USP1: variants seen among roughly 807,000 people sequenced by gnomAD.
USP1 encodes the protein ubiquitin specific peptidase 1, also known as ubiquitin carboxyl-terminal hydrolase 1.
USP1 carries 18 observed loss-of-function variants against 72.2 expected under a neutral mutation model. The observed-to-expected ratio is 0.25, with a 90% confidence interval of 0.17 to 0.37. The LOEUF (loss-of-function observed/expected upper bound fraction) is 0.37, where lower values mean the gene tolerates loss of function less well. USP1 is among the 10% of genes least tolerant of loss of function. The pLI is 1.00. For synonymous variants in USP1, 354 were observed against 303.7 expected, an observed-to-expected ratio of 1.17 and a Z score of -1.72; for missense variants, 759 against 884.9, an observed-to-expected ratio of 0.86 and a Z score of 1.81.
In USP1 at chr1:62,442,284, C is replaced by A. The variant is rs1274828848; in HGVS notation, c.381C>A (p.Ala127=). Residue 127 remains alanine (A), a synonymous_variant, in exon 4 of 9, where the codon GCC becomes GCA. Transcript: ENST00000339950. Reference sequence around the variant, plus strand: ...AGAAAGAAGCTCTAAAGGATGAAGCCAATCAAAAAGACAAGGTAAGAAAAA... The same window carrying A: ...AGAAAGAAGCTCTAAAGGATGAAGCAAATCAAAAAGACAAGGTAAGAAAAA... ...SRKKEALKDE[A]NQKDKGNCKE... is the part of the protein sequence containing the mutation. 1.3e-6 allele frequency: 2 copies of A among 1,585,470 alleles called. No homozygotes were observed. The highest frequency in any genetic ancestry group is 1.7e-6 in the Non-Finnish European group (2 of 1,164,914).
chr1:62,443,755 C>T (rs1645149898), intron 5 of USP1, among the ~76,000 whole-genome samples: 1 of 152,118 alleles, frequency 6.6e-6, no homozygotes, highest in African/African-American at 2.4e-5. Context: ...TGTGTAAGAA[C>T]TGTAAATTCC....
In USP1 at chr1:62,441,514, C is replaced by T. The variant is rs747968141; in HGVS notation, c.197C>T (p.Ser66Phe). ...GATCAAGTTGTTCCTGCAGCACAGT[C>T]TTCACCTATAAACTGTGAGAAGAGA... ...EIDQVVPAAQSSPINCEKREN... is the reference protein window; with the variant it reads ...EIDQVVPAAQFSPINCEKREN... The change falls in exon 3 of 9, where the codon TCT (serine) becomes TTT (phenylalanine). Residue 66 changes from serine to phenylalanine, a missense_variant. Coordinates refer to ENST00000339950, the MANE Select transcript of USP1 (RefSeq NM_003368.5). The T allele has an allele frequency of 6.2e-7, 1 of 1,612,770 alleles. No individual in the cohort carries two copies. The highest frequency in any genetic ancestry group is 1.3e-5 in the African/African-American group (1 of 74,842).
Position 62,445,317 on chromosome 1 carries a change from A to G in USP1, c.1137A>G (p.Glu379=), listed in dbSNP as rs1557556382. ...CTAAAGAAAATGAATGTGATCCTGA[A>G]GAGGACTTGGGGAAGTGTGAAAGTG... The part of the protein sequence containing the change: ...GQSKENECDP[E]EDLGKCESDN... The change falls in exon 6 of 9, where the codon GAA becomes GAG. Residue 379 remains glutamate, a synonymous_variant. Transcript: ENST00000339950. The G allele has an allele frequency of 1.9e-6, 3 of 1,613,652 alleles. No individual in the cohort carries two copies. The South Asian group carries it at 3.3e-5, about 18-fold the overall frequency.
At chr1:62,447,953 A>AT (rs1384285143) in intron 7 of USP1, among the ~76,000 whole-genome samples, 1 of 152,054 alleles carries the variant, frequency 6.6e-6, no homozygotes, top group South Asian at 2.1e-4. Context: ...CGCCCGGCTA[A>AT]TTTTTTGTAT....
At chr1:62,442,446 T>C in intron 4 of USP1, 147 bp downstream of exon 4, 1 of 603,966 alleles carries the variant, frequency 1.7e-6, no homozygotes, top group African/African-American at 1.9e-5. Context: ...TTATTTTTCA[T>C]TCTTTCAAGG....
Position 62,444,228 on chromosome 1 carries a change from C to T in USP1, c.558-510C>T, listed in dbSNP as rs899282403. ...GAGCCAAGATTGCGCCATTGCAGTC[C>T]AGTCTGGGCAACAGATCAAGACCCT... On this transcript the variant is annotated intron_variant, in intron 5 of 8. Transcript: ENST00000339950. 2.9e-5 allele frequency among the ~76,000 whole-genome samples: 4 copies of T among 139,370 alleles called. 1 individual carries two copies. Among genetic ancestry groups the T allele is most frequent in the Non-Finnish European group, 4.5e-5 (3 of 66,584 alleles). 91.4% of individuals were successfully genotyped at this position (139,370 alleles called of 152,430 possible).
rs1207172317 is a variant in USP1 at position 62,443,404 on chromosome 1, A to G, written c.557+85A>G. 3.5e-5 allele frequency: 48 copies of G among 1,352,692 alleles called. No homozygotes were observed. The East Asian group carries it at 1.2e-3, about 33-fold the overall frequency. The allele number at this position is 1,352,692 out of a possible 1,614,324, so 83.8% of individuals were successfully genotyped here. On this transcript the variant is annotated intron_variant, in intron 5 of 8. Coordinates refer to ENST00000339950, the MANE Select transcript of USP1 (RefSeq NM_003368.5). ...GAGAATGACATGCGAAGAAACAGGA[A>G]TAAAGGGCAAGGAAAGTAGAAACTC...
chr1:62,439,765 CA>C, intron 1 of USP1, 33 bp from the exon 2 acceptor site: 1 of 1,110,772 alleles, frequency 9.0e-7, no homozygotes, highest in Non-Finnish European at 1.2e-6. Flanking sequence ...AACTGATAAC[CA>C]AAAACTAATG....
intron 1 of USP1, among the ~76,000 whole-genome samples, chr1:62,439,191 TG>T (rs893251017): frequency 1.6e-4 from 24 of 152,242 alleles, no homozygotes; most frequent in Admixed American, 4.6e-4. Flanking sequence ...AATATTAAGT[TG>T]TTTTTTTTTT....
At chr1:62,447,214 T>G (rs976900998) in intron 6 of USP1, 127 bp from the exon 7 acceptor site, 1 of 926,694 alleles carries the variant, frequency 1.1e-6, no homozygotes, top group African/African-American at 1.7e-5. Context: ...CTAATAATGC[T>G]AATAAGCTGA....
intron 5 of USP1, 25 bp from the exon 6 acceptor site, chr1:62,444,713 A>AT: frequency 6.7e-7 from 1 of 1,497,266 alleles, no homozygotes; most frequent in South Asian, 1.5e-5. Flanking sequence ...ACTAGAATAG[A>AT]TGAAATGGAA....
At chr1:62,446,710 A>C (rs1386512536) in intron 6 of USP1, among the ~76,000 whole-genome samples, 1 of 152,238 alleles carries the variant, frequency 6.6e-6, no homozygotes, top group Non-Finnish European at 1.5e-5. Context: ...ATATTGATAT[A>C]GTGAATAGTT....
At chr1:62,438,221 T>C (rs998244291) in intron 1 of USP1, among the ~76,000 whole-genome samples, 2 of 152,200 alleles carry the variant, frequency 1.3e-5, no homozygotes, top group African/African-American at 2.4e-5. Context: ...GTCTGGTTAC[T>C]CTGTCGGTTT....
Position 62,442,220 on chromosome 1 carries a change from A to C in USP1, c.317A>C (p.Lys106Thr), listed in dbSNP as rs1295947117. The change falls in exon 4 of 9, where the codon AAA becomes ACA. Residue 106 changes from lysine (K) to threonine (T), a missense_variant. This residue lies in a region of USP1 where 71 missense variants were observed against 71.0 expected (regional missense o/e 1.00). Coordinates refer to ENST00000339950, the MANE Select transcript of USP1 (RefSeq NM_003368.5). Reference protein sequence around the residue: ...LQVLYFCPGFKSGVKHLFNII... With the variant: ...LQVLYFCPGFTSGVKHLFNII... ...GTATTATATTTTTGTCCCGGTTTTAAATCTGGAGTAAAGCACTTATTTAAT... is the reference window on the plus strand; with the variant it reads ...GTATTATATTTTTGTCCCGGTTTTACATCTGGAGTAAAGCACTTATTTAAT... 6.2e-7 allele frequency: 1 copy of C among 1,603,206 alleles called. No individual in the cohort carries two copies. Among genetic ancestry groups the C allele is most frequent in the South Asian group, 1.1e-5 (1 of 89,456 alleles).
chr1:62,442,997 C>G (rs1232612975), intron 4 of USP1, among the ~76,000 whole-genome samples, 162 bp from the exon 5 acceptor site: 1 of 150,904 alleles, frequency 6.6e-6, no homozygotes, highest in East Asian at 1.9e-4. Context: ...GACCCTGTCT[C>G]AAAATAAAAA....
chr1:62,440,772 A>G (rs957912753), intron 2 of USP1, among the ~76,000 whole-genome samples: 25 of 152,192 alleles, frequency 1.6e-4, no homozygotes, highest in African/African-American at 6.0e-4. Flanking sequence ...AATAGCTAGC[A>G]ATCGTAAAAT....
chr1:62,439,358 TA>T (rs1296340469), intron 1 of USP1, among the ~76,000 whole-genome samples: 3 of 152,176 alleles, frequency 2.0e-5, no homozygotes, highest in African/African-American at 7.2e-5. Context: ...CTAATTTTTG[TA>T]TTTTTAGTAG....
rs781206656 is a variant in USP1 at position 62,447,544 on chromosome 1, A to T, written c.1420+33A>T. The T allele has an allele frequency of 3.2e-6, 5 of 1,584,920 alleles. No individual in the cohort carries two copies. In the East Asian group the frequency reaches 1.1e-4, roughly 36 times the overall value. On this transcript the variant is annotated intron_variant, in intron 7 of 8. Transcript: ENST00000339950. ...AAATTGGAGTCTTGTGTGGACCATG[A>T]TGGAATATTTATAATTCTTTAACAA...
At chr1:62,441,703 A>G in intron 3 of USP1, 95 bp downstream of exon 3, 1 of 1,380,672 alleles carries the variant, frequency 7.2e-7, no homozygotes, top group Non-Finnish European at 9.7e-7. Flanking sequence ...TTTAATGTCC[A>G]TACTGTCTTT....
Sources: allele counts gnomAD v4.1 joint callset (sites outside exome capture counted in the v4.1 genomes callset), GRCh38; gene constraint gnomAD v4.1.1; regional missense constraint gnomAD v4.1.1; transcripts MANE v1.5; gene names NCBI Gene and HGNC (gene_info 2026-07-23, HGNC 2026-07-21).